The following GSTM5 variants were observed in gnomAD, a reference collection of about 807,000 sequenced individuals.
The protein encoded by GSTM5 is glutathione S-transferase mu 5.
A neutral mutation model predicts 29.0 loss-of-function variants in GSTM5; 24 were observed. The observed-to-expected ratio is 0.83, with a 90% CI of 0.60 to 1.16. The LOEUF (loss-of-function observed/expected upper bound fraction) is 1.16. Among genes scored for constraint, GSTM5 ranks in the 50% most tolerant of loss-of-function variants. The pLI is 0.00. For missense variants in GSTM5, 290 were observed against 263.0 expected (o/e 1.10, Z -0.71); for synonymous variants, 91 against 93.6 (o/e 0.97, Z 0.16).
rs759864751 is a variant in GSTM5 at position 109,712,631 on chromosome 1, T to C, written c.50T>C (p.Ile17Thr). 8.7e-6 allele frequency: 14 copies of C among 1,613,728 alleles called. No homozygotes were observed. Among genetic ancestry groups the C allele is most frequent in the Non-Finnish European group, 1.2e-5 (14 of 1,179,838 alleles). The change falls in exon 2 of 8, where the codon ATC becomes ACC. Residue 17 changes from isoleucine (I) to threonine (T), a missense_variant. Physicochemically the swap from Ile to Thr is moderately conservative, Grantham distance 89. Coordinates refer to ENST00000256593, the MANE Select transcript of GSTM5 (RefSeq NM_000851.4). Reference sequence around the variant, plus strand: ...CATCTCTCCCAGCTGGCCCACGCCATCCGCTTGCTCCTGGAATACACAGAC... The same window carrying C: ...CATCTCTCCCAGCTGGCCCACGCCACCCGCTTGCTCCTGGAATACACAGAC... ...YWDIRGLAHAIRLLLEYTDSS... is the reference protein window; with the variant it reads ...YWDIRGLAHATRLLLEYTDSS...
chr1:109,715,165 T>C lies in GSTM5; in HGVS notation c.492T>C (p.Leu164=), dbSNP rs1557972243. 3.1e-6 allele frequency: 5 copies of C among 1,614,144 alleles called. No homozygotes were observed. In the African/African-American group the frequency reaches 5.3e-5, roughly 17 times the overall value. The change falls in exon 7 of 8, where the codon CTT becomes CTC. Residue 164 remains leucine, a synonymous_variant. Transcript: ENST00000256593. ...TGGATTTCCTTGCCTATGATGTCCT[T>C]GACATGAAGCGTATATTTGAGCCCA... ...TFVDFLAYDV[L]DMKRIFEPKC...
In GSTM5 at chr1:109,714,940, G is replaced by T. The variant is rs771720862; in HGVS notation, c.361-7G>T. 2.7e-5 allele frequency: 44 copies of T among 1,614,210 alleles called. No homozygotes were observed. The highest frequency in any genetic ancestry group is 4.4e-5 in the South Asian group (4 of 91,092). ...CTGAGGGTGGTGACAGCTGTTTTCT[G>T]CCTCAGGAGAAACTGAAGCCAAAAT... On this transcript the variant is annotated splice_polypyrimidine_tract_variant and splice_region_variant and intron_variant, in intron 5 of 7. Transcript: ENST00000256593.
At position 109,712,444 on chromosome 1, in the gene GSTM5, G is replaced by T. The variant is rs1310158305; in HGVS notation, c.36+96G>T. 28 of 1,464,038 alleles carry T rather than the reference G, an allele frequency of 1.9e-5. No individual in the cohort carries two copies. In the South Asian group the frequency reaches 2.3e-4, roughly 12 times the overall value. The allele number at this position is 1,464,038 out of a possible 1,614,324, so 90.7% of individuals were successfully genotyped here. A position where few individuals can be genotyped will look rare whatever the true frequency, so the allele number is the denominator to read the frequency against. ...GCTCTAGGGACCGTTCCTCTTCAGG[G>T]CTGCCCGCCTCAGAAGGGCCTGTGC... On this transcript the variant is annotated intron_variant, in intron 1 of 7. Transcript: ENST00000256593.
intron 5 of GSTM5, chr1:109,714,409 G>A (rs1648674454): frequency 1.2e-5 from 2 of 168,988 alleles, no homozygotes; most frequent in Admixed American, 5.5e-5. Flanking sequence ...TCTCCTCAAA[G>A]TTTTCCAAGT....
At position 109,714,768 on chromosome 1, in the gene GSTM5, C is replaced by A. The variant is rs1301407113; in HGVS notation, c.361-179C>A. 15 of 650,900 alleles carry A rather than the reference C, an allele frequency of 2.3e-5. 1 individual carries two copies. Among genetic ancestry groups the A allele is most frequent in the Non-Finnish European group, 4.2e-5 (15 of 360,736 alleles). The allele number at this position is 650,900 out of a possible 1,614,324, so 40.3% of individuals were successfully genotyped here. On this transcript the variant is annotated intron_variant, in intron 5 of 7. Transcript: ENST00000256593. ...ATCACTTCAGATAGGGTCTGGCACC[C>A]AGTCAGAGTCTAATAAATGCTGATG... is the stretch of plus-strand genomic sequence containing the variant.
intron 1 of GSTM5, 96 bp downstream of exon 1, chr1:109,712,444 G>A: frequency 6.8e-7 from 1 of 1,464,152 alleles, no homozygotes; most frequent in Non-Finnish European, 9.6e-7. Context: ...CCTCTTCAGG[G>A]CTGCCCGCCT....
Position 109,717,622 on chromosome 1 carries a change from C to T in GSTM5, c.*196C>T. The T allele has an allele frequency of 3.7e-6, 2 of 535,772 alleles. No homozygotes were observed. Among genetic ancestry groups the T allele is most frequent in the Non-Finnish European group, 6.8e-6 (2 of 295,260 alleles). The allele number at this position is 535,772 out of a possible 1,614,324, so 33.2% of individuals were successfully genotyped here. On this transcript the variant is annotated 3_prime_UTR_variant, in exon 8 of 8. Transcript: ENST00000256593. ...CGAGGCTCTTTAAAGCTTCAGCTCC[C>T]CACTGTCCTCCATCAAAGTCCCCCT...
At chr1:109,714,831 T>G in intron 5 of GSTM5, 116 bp from the exon 6 acceptor site, 2 of 938,946 alleles carry the variant, frequency 2.1e-6, no homozygotes, top group Non-Finnish European at 3.5e-6. Context: ...CGGTTTTAGT[T>G]GTGGGGAAGA....
Position 109,712,366 on chromosome 1 carries a change from G to A in GSTM5, c.36+18G>A. 1.2e-6 allele frequency: 2 copies of A among 1,613,488 alleles called. No homozygotes were observed. The highest frequency in any genetic ancestry group is 1.7e-6 in the Non-Finnish European group (2 of 1,179,404). ...TCCGTGGGGTAAGCGAGGGTCCTCT[G>A]GTGGGTGGGACAGGGGGCGGAGGCG... On this transcript the variant is annotated intron_variant, in intron 1 of 7. Coordinates refer to ENST00000256593, the MANE Select transcript of GSTM5 (RefSeq NM_000851.4).
Position 109,715,995 on chromosome 1 carries a change from G to A in GSTM5, c.567+755G>A, listed in dbSNP as rs2101322443. ...TATTCACCGACCTTCTCCTCTGCAT[G>A]AGGCAGGGTGTGAGGCACAGTGGGA... On this transcript the variant is annotated intron_variant, in intron 7 of 7. Transcript: ENST00000256593. 7 of 881,994 alleles carry A rather than the reference G, an allele frequency of 7.9e-6. No individual in the cohort carries two copies. The South Asian group carries it at 9.6e-5, about 12-fold the overall frequency. 54.6% of individuals were successfully genotyped at this position (881,994 alleles called of 1,614,324 possible).
chr1:109,717,689 C>T lies in GSTM5; in HGVS notation c.*263C>T, dbSNP rs908568584. Reference sequence around the variant, plus strand: ...CCCTGCACTAACGCCAACCTGACTGCTTTTCCTGTCAGTGCTTTTCTCTTC... The same window carrying T: ...CCCTGCACTAACGCCAACCTGACTGTTTTTCCTGTCAGTGCTTTTCTCTTC... On this transcript the variant is annotated 3_prime_UTR_variant, in exon 8 of 8. Coordinates refer to ENST00000256593, the MANE Select transcript of GSTM5 (RefSeq NM_000851.4). 39 of 419,076 alleles carry T rather than the reference C, an allele frequency of 9.3e-5. 1 individual carries two copies. Among genetic ancestry groups the T allele is most frequent in the South Asian group, 6.6e-4 (29 of 43,708 alleles). The allele number at this position is 419,076 out of a possible 1,614,324, so 26.0% of individuals were successfully genotyped here.
chr1:109,713,533 T>G lies in GSTM5; in HGVS notation c.227T>G (p.Ile76Ser). The change falls in exon 4 of 8, where the codon ATC (isoleucine) becomes AGC (serine). Residue 76 changes from isoleucine (I) to serine (S), a missense_variant. Transcript: ENST00000256593. The part of the protein sequence containing the change: ...GAHKITQSNA[I>S]LRYIARKHNL... ...CACAAGATCACCCAGAGCAATGCCA[T>G]CCTGCGCTACATTGCCCGCAAGCAC... 6.2e-7 allele frequency: 1 copy of G among 1,614,208 alleles called. No homozygotes were observed. Among genetic ancestry groups the G allele is most frequent in the South Asian group, 1.1e-5 (1 of 91,090 alleles).
In GSTM5 at chr1:109,712,304, A is replaced by G; in HGVS notation, c.-9A>G. 6.2e-7 allele frequency: 1 copy of G among 1,613,628 alleles called. No individual in the cohort carries two copies. Among genetic ancestry groups the G allele is most frequent in the East Asian group, 2.2e-5 (1 of 44,828 alleles). On this transcript the variant is annotated 5_prime_UTR_variant, in exon 1 of 8. Coordinates refer to ENST00000256593, the MANE Select transcript of GSTM5 (RefSeq NM_000851.4). ...ATGCCTGTCTGCAGAATCCGCACCA[A>G]CCAGCACCATGCCCATGACTCTGGG...
rs1648794479 is a variant in GSTM5 at position 109,717,568 on chromosome 1, C to G, written c.*142C>G. The G allele has an allele frequency of 7.9e-6, 5 of 633,430 alleles. No individual in the cohort carries two copies. The Admixed American group carries it at 1.0e-4, about 13-fold the overall frequency. 39.2% of individuals were successfully genotyped at this position (633,430 alleles called of 1,614,324 possible). A position where few individuals can be genotyped will look rare whatever the true frequency, so the allele number is the denominator to read the frequency against. On this transcript the variant is annotated 3_prime_UTR_variant, in exon 8 of 8. Coordinates refer to ENST00000256593, the MANE Select transcript of GSTM5 (RefSeq NM_000851.4). ...TCTTCCCCAAGGCCTCATTGGCTTC[C>G]TTTCTTCTAACATCATCCCTCCCCG...
intron 2 of GSTM5, 143 bp downstream of exon 2, chr1:109,712,836 C>A (rs559123118): frequency 1.6e-5 from 16 of 1,022,308 alleles, no homozygotes; most frequent in Admixed American, 3.8e-5. Flanking sequence ...CGTGAGTGAG[C>A]CCTCTGGCCT....
intron 1 of GSTM5, 82 bp downstream of exon 1, chr1:109,712,430 C>A: frequency 6.7e-7 from 1 of 1,482,582 alleles, no homozygotes; most frequent in Non-Finnish European, 9.3e-7. Flanking sequence ...CTCTAGGGAC[C>A]GTTCCTCTTC....
rs1264545880 is a variant in GSTM5, at chr1:109,717,528, C to T, written c.*102C>T. ...GGACCTGCCTTCTTCCTTTTTCCTTCTTTCTACTCTCTTCTCTTCCCCAAG... is the reference window on the plus strand; with the variant it reads ...GGACCTGCCTTCTTCCTTTTTCCTTTTTTCTACTCTCTTCTCTTCCCCAAG... On this transcript the variant is annotated 3_prime_UTR_variant, in exon 8 of 8. Coordinates refer to ENST00000256593, the MANE Select transcript of GSTM5 (RefSeq NM_000851.4). 1 of 800,830 alleles carries T rather than the reference C, an allele frequency of 1.2e-6. No homozygotes were observed. The highest frequency in any genetic ancestry group is 2.2e-6 in the Non-Finnish European group (1 of 454,610). The allele number at this position is 800,830 out of a possible 1,614,324, so 49.6% of individuals were successfully genotyped here.
chr1:109,713,238 C>G, intron 3 of GSTM5, 55 bp downstream of exon 3: 1 of 1,606,162 alleles, frequency 6.2e-7, no homozygotes, highest in Non-Finnish European at 8.5e-7. Context: ...TCTCTGACTG[C>G]ATCTCCTCTC....
At position 109,713,150 on chromosome 1, in the gene GSTM5, T is replaced by C; in HGVS notation, c.144T>C (p.Asn48=). The C allele has an allele frequency of 6.2e-7, 1 of 1,612,560 alleles. No individual in the cohort carries two copies. The highest frequency in any genetic ancestry group is 8.5e-7 in the Non-Finnish European group (1 of 1,179,854). The change falls in exon 3 of 8, where the codon AAT becomes AAC. Residue 48 remains asparagine, a synonymous_variant. Transcript: ENST00000256593. ...ACTATGACAGAAGCCAGTGGCTGAATGAAAAATTCAAGCTGGGCCTGGACT... is the reference window on the plus strand; with the variant it reads ...ACTATGACAGAAGCCAGTGGCTGAACGAAAAATTCAAGCTGGGCCTGGACT... ...APDYDRSQWL[N]EKFKLGLDFP... is the part of the protein sequence containing the mutation.
Sources: allele counts gnomAD v4.1 joint callset, GRCh38; gene constraint gnomAD v4.1.1; transcripts MANE v1.5; gene names NCBI Gene and HGNC (gene_info 2026-07-23, HGNC 2026-07-21).